Variants in KCNMB4 observed in about 807,000 individuals in gnomAD.
The protein encoded by KCNMB4 is potassium calcium-activated channel subfamily M regulatory beta subunit 4.
Under a neutral mutation model 20.7 loss-of-function variants are expected in KCNMB4, and 3 were observed. That is an observed-to-expected ratio of 0.14 (90% CI 0.07 to 0.37). The LOEUF (loss-of-function observed/expected upper bound fraction) is 0.37. Ranked by LOEUF, KCNMB4 falls within the 10% of genes least tolerant of loss-of-function variation. KCNMB4 has a pLI of 1.00. For synonymous variants in KCNMB4, 110 were observed against 113.4 expected, an observed-to-expected ratio of 0.97 and a Z score of 0.19; for missense variants, 168 against 265.9, an observed-to-expected ratio of 0.63 and a Z score of 2.56.
intron 1 of KCNMB4, among the ~76,000 whole-genome samples, chr12:70,396,344 A>G (rs1168768587): frequency 6.6e-6 from 1 of 152,176 alleles, no homozygotes; most frequent in East Asian, 1.9e-4. Flanking sequence ...TTGCTCTGTC[A>G]CCGAAGCTGG....
rs7303539 is a variant in KCNMB4, at chr12:70,424,124, T to C, written c.465-6361T>C. On this transcript the variant is annotated intron_variant, in intron 2 of 2. Coordinates refer to ENST00000258111, the MANE Select transcript of KCNMB4 (RefSeq NM_014505.6). ...ATGGCTTTTTAGGAGGACAAGTTAG[T>C]GGTAATGTTTTTCTTTATGAGTATT... is the stretch of plus-strand genomic sequence containing the variant. Among the ~76,000 whole-genome samples, 952 of 152,148 alleles carry C rather than the reference T, an allele frequency of 6.3e-3. 12 individuals are homozygous for C. The highest frequency in any genetic ancestry group is 0.022 in the African/African-American group (896 of 41,522).
chr12:70,397,136 T>C (rs571360305), intron 1 of KCNMB4, among the ~76,000 whole-genome samples: 35 of 152,220 alleles, frequency 2.3e-4, no homozygotes, highest in African/African-American at 7.9e-4. Flanking sequence ...GGTGGGACAA[T>C]TGAGCCCAGG....
intron 1 of KCNMB4, among the ~76,000 whole-genome samples, chr12:70,373,858 C>T (rs1178590172): frequency 3.3e-5 from 5 of 152,078 alleles, no homozygotes; most frequent in Non-Finnish European, 5.9e-5. Context: ...TTGTGGTGCA[C>T]ACCTGTAGTC....
chr12:70,388,138 T>C (rs1403014687), intron 1 of KCNMB4, among the ~76,000 whole-genome samples: 1 of 152,180 alleles, frequency 6.6e-6, no homozygotes, highest in Non-Finnish European at 1.5e-5. Flanking sequence ...CCGTCCATGA[T>C]GTTGCAAATG....
chr12:70,393,266 G>T (rs538671549), intron 1 of KCNMB4, among the ~76,000 whole-genome samples: 1 of 151,992 alleles, frequency 6.6e-6, no homozygotes, highest in Non-Finnish European at 1.5e-5. Context: ...GCAGTGGCGC[G>T]ATCTCGGCTC....
chr12:70,400,951 T>C (rs1185704829), intron 2 of KCNMB4, among the ~76,000 whole-genome samples: 1 of 152,234 alleles, frequency 6.6e-6, no homozygotes, highest in African/African-American at 2.4e-5. Context: ...TTCACTCATT[T>C]ACCAAATCCA....
At position 70,431,246 on chromosome 12, in the gene KCNMB4, A is replaced by C. The variant is rs946578243; in HGVS notation, c.*593A>C. 1 of 152,068 alleles carries C rather than the reference A, an allele frequency of 6.6e-6. No individual in the cohort carries two copies. The highest frequency in any genetic ancestry group is 1.5e-5 in the Non-Finnish European group (1 of 68,012). The allele number at this position is 152,068 out of a possible 1,614,324, so 9.4% of individuals were successfully genotyped here. ...TATACTGGTAACTCAGTCTCCAGTC[A>C]CCTCTGTGTCTCTTAAGCAAGAGAT... On this transcript the variant is annotated 3_prime_UTR_variant, in exon 3 of 3. Transcript: ENST00000258111.
At chr12:70,383,110 T>C (rs1284961930) in intron 1 of KCNMB4, among the ~76,000 whole-genome samples, 5 of 152,234 alleles carry the variant, frequency 3.3e-5, no homozygotes, top group Admixed American at 6.5e-5. Flanking sequence ...ATAAATGCAG[T>C]TCATCATTGA....
intron 1 of KCNMB4, among the ~76,000 whole-genome samples, chr12:70,399,737 G>A (rs914688520): frequency 2.0e-5 from 3 of 152,170 alleles, no homozygotes; most frequent in Non-Finnish European, 2.9e-5. Context: ...GAGAATGTAC[G>A]AAAAGAAAAC....
intron 1 of KCNMB4, among the ~76,000 whole-genome samples, chr12:70,382,160 AG>A (rs1452705491): frequency 6.6e-6 from 1 of 152,202 alleles, no homozygotes; most frequent in Non-Finnish European, 1.5e-5. Context: ...AAAATTTTAA[AG>A]GTGGCCGGGC....
chr12:70,386,928 G>T (rs913660889), intron 1 of KCNMB4, among the ~76,000 whole-genome samples: 2 of 152,158 alleles, frequency 1.3e-5, no homozygotes, highest in African/African-American at 4.8e-5. Flanking sequence ...GCAATAAACA[G>T]AAGAGTGTGC....
At chr12:70,426,682 T>A (rs1448752253) in intron 2 of KCNMB4, among the ~76,000 whole-genome samples, 2 of 152,212 alleles carry the variant, frequency 1.3e-5, no homozygotes, top group Admixed American at 1.3e-4. Flanking sequence ...GGGAAACTAA[T>A]CTTTTTTACC....
In KCNMB4 at chr12:70,393,797, T is replaced by G. The variant is rs1033435066; in HGVS notation, c.337-6412T>G. ...CTTCAGTGAATAGTAGGTCAGATAA[T>G]TTGGGCATTTTCCAACGCCATCTCC... On this transcript the variant is annotated intron_variant, in intron 1 of 2. Transcript: ENST00000258111. Among the ~76,000 whole-genome samples the G allele has an allele frequency of 2.0e-5, 3 of 150,060 alleles. No individual in the cohort carries two copies. In the Admixed American group the frequency reaches 2.0e-4, roughly 10 times the overall value.
Position 70,389,362 on chromosome 12 carries a change from T to C in KCNMB4, c.337-10847T>C, listed in dbSNP as rs192225437. ...CTGTTTGTCATATGACCATTCTCAA[T>C]AGGTAGTCATTTAGTTCCACATTTC... On this transcript the variant is annotated intron_variant, in intron 1 of 2. Coordinates refer to ENST00000258111, the MANE Select transcript of KCNMB4 (RefSeq NM_014505.6). 4.1e-4 allele frequency among the ~76,000 whole-genome samples: 62 copies of C among 152,270 alleles called. No individual in the cohort carries two copies. In the Middle Eastern group the frequency reaches 0.01, roughly 25 times the overall value.
At chr12:70,397,065 G>GTAGCTTTTC (rs1868360113) in intron 1 of KCNMB4, among the ~76,000 whole-genome samples, 1 of 152,162 alleles carries the variant, frequency 6.6e-6, no homozygotes, top group South Asian at 2.1e-4. Flanking sequence ...GCCTTAAAAT[G>GTAGCTTTTC]TAGCTTTTCA....
At chr12:70,414,743 T>C (rs1868870258) in intron 2 of KCNMB4, among the ~76,000 whole-genome samples, 1 of 152,230 alleles carries the variant, frequency 6.6e-6, no homozygotes, top group South Asian at 2.1e-4. Flanking sequence ...TACATGCTGC[T>C]CTTTATTAAA....
chr12:70,368,408 A>G (rs1883532910), intron 1 of KCNMB4, among the ~76,000 whole-genome samples: 1 of 152,104 alleles, frequency 6.6e-6, no homozygotes, highest in African/African-American at 2.4e-5. Context: ...CGACAAATGA[A>G]TATTGATTTA....
At chr12:70,387,854 T>C (rs928711008) in intron 1 of KCNMB4, among the ~76,000 whole-genome samples, 7 of 152,182 alleles carry the variant, frequency 4.6e-5, no homozygotes, top group African/African-American at 1.4e-4. Context: ...TATTTTAAAA[T>C]GTACAATTAA....
intron 1 of KCNMB4, among the ~76,000 whole-genome samples, chr12:70,385,470 C>G (rs549282100): frequency 7.9e-5 from 12 of 152,280 alleles, no homozygotes; most frequent in African/African-American, 2.6e-4. Context: ...TTTTAATGAA[C>G]ATTTATTTGA....
Sources: allele counts gnomAD v4.1 joint callset (sites outside exome capture counted in the v4.1 genomes callset), GRCh38; gene constraint gnomAD v4.1.1; transcripts MANE v1.5; gene names NCBI Gene and HGNC (gene_info 2026-07-23, HGNC 2026-07-21).